Variants in SUSD3 observed in about 807,000 individuals in gnomAD.
SUSD3 encodes sushi domain containing 3.
SUSD3 carries 18 observed loss-of-function variants against 20.6 expected under a neutral mutation model. That is an observed-to-expected ratio of 0.87 (90% CI 0.60 to 1.30). SUSD3 has a LOEUF of 1.30. Among genes scored for constraint, SUSD3 ranks in the 50% most tolerant of loss-of-function variants. The pLI, the probability that SUSD3 is intolerant of heterozygous loss-of-function variation, is 0.00. For missense variants in SUSD3, 306 were observed against 346.9 expected (o/e 0.88, Z 0.94); for synonymous variants, 137 against 141.5 (o/e 0.97, Z 0.23).
chr9:93,084,644 A>C lies in SUSD3; in HGVS notation c.665A>C (p.Gln222Pro), dbSNP rs750959293. The C allele has an allele frequency of 5.0e-6, 8 of 1,609,082 alleles. No homozygotes were observed. Among genetic ancestry groups the C allele is most frequent in the Non-Finnish European group, 6.8e-6 (8 of 1,177,780 alleles). ...CTCAGTGGCTCCTCCAGCTCACCCC[A>C]AGCCCAGGTGATGGTGCACATGGCA... The part of the protein sequence containing the change: ...LSLSGSSSSP[Q>P]AQVMVHMANP... The change falls in exon 5 of 5, where the codon CAA becomes CCA. Residue 222 changes from glutamine (Q) to proline (P), a missense_variant. Gln to Pro is a moderately conservative substitution (Grantham distance 76). Transcript: ENST00000375472.
At chr9:93,079,391 G>A (rs1478920861) in intron 3 of SUSD3, 80 bp from the exon 4 acceptor site, 7 of 1,516,554 alleles carry the variant, frequency 4.6e-6, no homozygotes, top group Middle Eastern at 1.7e-4. Flanking sequence ...CGGTGCCCTG[G>A]GCCTACATGG....
chr9:93,078,142 C>G lies in SUSD3; in HGVS notation c.425+149C>G, dbSNP rs73651359. ...TGCTGCTCTGGGCCTGCGTCTCCCC[C>G]CCAAGTGCTGCTCCCGGCCCACGCA... is the stretch of plus-strand genomic sequence containing the variant. On this transcript the variant is annotated intron_variant, in intron 3 of 4. Coordinates refer to ENST00000375472, the MANE Select transcript of SUSD3 (RefSeq NM_145006.4). 30,055 of 1,129,674 alleles carry G rather than the reference C, an allele frequency of 0.027. 2,831 individuals are homozygous for G. In the African/African-American group the frequency reaches 0.28, roughly 11 times the overall value. The allele number at this position is 1,129,674 out of a possible 1,614,324, so 70.0% of individuals were successfully genotyped here. A position where few individuals can be genotyped will look rare whatever the true frequency, so the allele number is the denominator to read the frequency against.
intron 1 of SUSD3, chr9:93,069,224 G>A: frequency 1.5e-6 from 1 of 687,380 alleles, no homozygotes; most frequent in South Asian, 1.5e-5. Context: ...GCCTGGGATT[G>A]CTGTCAGTCA....
intron 1 of SUSD3, among the ~76,000 whole-genome samples, chr9:93,070,082 C>T (rs1472662084): frequency 1.3e-5 from 2 of 152,092 alleles, no homozygotes; most frequent in African/African-American, 2.4e-5. Context: ...CCTGGCCGAG[C>T]CATTTGTTTT....
In SUSD3 at chr9:93,066,475, G is replaced by A. The variant is rs1825716017; in HGVS notation, c.88+7645G>A. Among the ~76,000 whole-genome samples, 3 of 152,080 alleles carry A rather than the reference G, an allele frequency of 2.0e-5. No individual in the cohort carries two copies. In the South Asian group the frequency reaches 6.2e-4, roughly 31 times the overall value. On this transcript the variant is annotated intron_variant, in intron 1 of 4. Transcript: ENST00000375472. ...TCTCAAACTGCTGACCTCATGATCC[G>A]CCTGCCTCAGCCTCCCAAAGTGCTG...
At chr9:93,065,598 G>A (rs1390787451) in intron 1 of SUSD3, among the ~76,000 whole-genome samples, 1 of 152,216 alleles carries the variant, frequency 6.6e-6, no homozygotes, top group Non-Finnish European at 1.5e-5. Flanking sequence ...CCTGGGGAGG[G>A]GGCCACGTGG....
chr9:93,076,277 C>T (rs571950446), intron 2 of SUSD3, among the ~76,000 whole-genome samples: 4 of 151,942 alleles, frequency 2.6e-5, no homozygotes, highest in African/African-American at 4.9e-5. Context: ...TGAGCCAGCA[C>T]GTTTTCATCT....
At chr9:93,063,473 C>T (rs1034637649) in intron 1 of SUSD3, among the ~76,000 whole-genome samples, 1 of 152,204 alleles carries the variant, frequency 6.6e-6, no homozygotes, top group Admixed American at 6.5e-5. Context: ...GATCAGACCC[C>T]AGGAACCTAC....
At chr9:93,079,373 C>G in intron 3 of SUSD3, 98 bp from the exon 4 acceptor site, 1 of 1,386,260 alleles carries the variant, frequency 7.2e-7, no homozygotes, top group Non-Finnish European at 1.0e-6. Flanking sequence ...CTGCACTGGT[C>G]CTGCAGACGG....
chr9:93,070,398 C>T (rs1287692485), intron 1 of SUSD3, among the ~76,000 whole-genome samples: 1 of 152,226 alleles, frequency 6.6e-6, no homozygotes, highest in East Asian at 1.9e-4. Flanking sequence ...GATCCATAGA[C>T]AGGGAGCAGT....
intron 1 of SUSD3, among the ~76,000 whole-genome samples, chr9:93,070,954 C>T (rs1423932706): frequency 6.6e-6 from 1 of 152,094 alleles, no homozygotes; most frequent in Non-Finnish European, 1.5e-5. Context: ...AGCCAGAATC[C>T]CAAGCGCTAA....
intron 4 of SUSD3, among the ~76,000 whole-genome samples, chr9:93,081,355 T>G (rs1826406921): frequency 6.6e-6 from 1 of 152,172 alleles, no homozygotes; most frequent in Non-Finnish European, 1.5e-5. Context: ...TGCTGGAGTC[T>G]TTCGAGGCTG....
chr9:93,075,763 CATACCTG>C lies in SUSD3; in HGVS notation c.89-20_89-14del. 2.1e-6 allele frequency: 2 copies of C among 938,476 alleles called. No individual in the cohort carries two copies. Among genetic ancestry groups the C allele is most frequent in the Non-Finnish European group, 3.1e-6 (2 of 640,152 alleles). The allele number at this position is 938,476 out of a possible 1,614,324, so 58.1% of individuals were successfully genotyped here. A position where few individuals can be genotyped will look rare whatever the true frequency, so the allele number is the denominator to read the frequency against. On this transcript the variant is annotated splice_polypyrimidine_tract_variant and intron_variant, in intron 1 of 4. Coordinates refer to ENST00000375472, the MANE Select transcript of SUSD3 (RefSeq NM_145006.4). ...CCACCCCCCCCCCCCCGCCATGCCTCATACCTGCCTGTCTCCCCAGGCACGTGCGCTA... is the reference window on the plus strand; with the variant it reads ...CCACCCCCCCCCCCCCGCCATGCCTCCCTGTCTCCCCAGGCACGTGCGCTA...
At chr9:93,080,134 C>T (rs971444334) in intron 4 of SUSD3, among the ~76,000 whole-genome samples, 1 of 152,042 alleles carries the variant, frequency 6.6e-6, no homozygotes, top group African/African-American at 2.4e-5. Flanking sequence ...TCGAGGCCAA[C>T]ATGGTGAAAT....
chr9:93,074,229 G>C (rs1826028994), intron 1 of SUSD3, among the ~76,000 whole-genome samples: 1 of 151,958 alleles, frequency 6.6e-6, no homozygotes, highest in South Asian at 2.1e-4. Flanking sequence ...CGGATCACGA[G>C]GTCATCATGG....
intron 1 of SUSD3, among the ~76,000 whole-genome samples, chr9:93,062,008 G>T (rs562055692): frequency 6.6e-6 from 1 of 152,250 alleles, no homozygotes; most frequent in Non-Finnish European, 1.5e-5. Context: ...TGGAGGGGCC[G>T]ACCTGAGGTC....
intron 1 of SUSD3, among the ~76,000 whole-genome samples, chr9:93,072,493 CGGA>C (rs1189040859): frequency 6.6e-6 from 1 of 152,180 alleles, no homozygotes; most frequent in Non-Finnish European, 1.5e-5. Flanking sequence ...GACCAGACTT[CGGA>C]GCCTGGCCTG....
intron 1 of SUSD3, among the ~76,000 whole-genome samples, chr9:93,075,411 CTTTTT>C (rs58393196): frequency 3.9e-5 from 4 of 101,274 alleles, no homozygotes; most frequent in South Asian, 3.6e-4. Context: ...CTCTGTCCCT[CTTTTT>C]TTTTTTTTTT....
chr9:93,083,654 T>G (rs1316363014), intron 4 of SUSD3, among the ~76,000 whole-genome samples: 2 of 152,000 alleles, frequency 1.3e-5, no homozygotes, highest in Non-Finnish European at 2.9e-5. Flanking sequence ...AACCAGTAAG[T>G]GAGGCTGGGT....
Sources: allele counts gnomAD v4.1 joint callset (sites outside exome capture counted in the v4.1 genomes callset), GRCh38; gene constraint gnomAD v4.1.1; transcripts MANE v1.5; gene names NCBI Gene and HGNC (gene_info 2026-07-23, HGNC 2026-07-21).